Variants in IMPG1 observed in about 807,000 individuals in gnomAD.
IMPG1 encodes interphotoreceptor matrix proteoglycan of 150 kDa.
In IMPG1, 85 loss-of-function variants were observed where a neutral mutation model predicts 92.0. The observed-to-expected ratio is 0.92, with a 90% CI of 0.78 to 1.11. The LOEUF (loss-of-function observed/expected upper bound fraction) is 1.11. IMPG1 is among the 50% of genes least tolerant of loss of function. The probability of loss-of-function intolerance (pLI) is 0.00; values close to 1 mark genes in which losing one functional copy is unlikely to be tolerated. For missense variants in IMPG1, 1,022 were observed against 956.0 expected, an observed-to-expected ratio of 1.07 and a Z score of -0.91; for synonymous variants, 367 against 334.1, an observed-to-expected ratio of 1.10 and a Z score of -1.08.
intron 12 of IMPG1, among the ~76,000 whole-genome samples, chr6:75,959,324 C>T (rs1782177384): frequency 6.6e-6 from 1 of 152,130 alleles, no homozygotes; most frequent in African/African-American, 2.4e-5. Flanking sequence ...GGAGGTGTCT[C>T]CCAGTCAGGA....
At chr6:76,019,902 A>G (rs1034134660) in intron 6 of IMPG1, among the ~76,000 whole-genome samples, 3 of 152,220 alleles carry the variant, frequency 2.0e-5, no homozygotes, top group African/African-American at 7.2e-5. Flanking sequence ...GATGGGACAG[A>G]GGGGTTGTGA....
intron 12 of IMPG1, among the ~76,000 whole-genome samples, chr6:75,966,063 C>T (rs1782304578): frequency 6.6e-6 from 1 of 152,148 alleles, no homozygotes; most frequent in Non-Finnish European, 1.5e-5. Context: ...ACTCAGGAAA[C>T]TCACTATCAT....
intron 12 of IMPG1, among the ~76,000 whole-genome samples, chr6:75,993,026 G>T (rs1188827654): frequency 1.3e-5 from 2 of 148,298 alleles, no homozygotes; most frequent in Middle Eastern, 3.5e-3. Flanking sequence ...ATATGTGTAG[G>T]TCTTGAATAA....
intron 1 of IMPG1, among the ~76,000 whole-genome samples, chr6:76,050,338 G>T (rs1784020056): frequency 6.6e-6 from 1 of 152,132 alleles, no homozygotes; most frequent in Non-Finnish European, 1.5e-5. Flanking sequence ...AGCTACTTGG[G>T]AGGCTGAGGC....
intron 12 of IMPG1, among the ~76,000 whole-genome samples, chr6:75,994,571 G>A (rs1006557486): frequency 1.3e-5 from 2 of 152,214 alleles, no homozygotes; most frequent in East Asian, 1.9e-4. Flanking sequence ...AGCATGTCAC[G>A]TCTTACATGG....
At chr6:75,929,899 A>C (rs1781635850) in intron 15 of IMPG1, among the ~76,000 whole-genome samples, 1 of 152,124 alleles carries the variant, frequency 6.6e-6, no homozygotes, top group Non-Finnish European at 1.5e-5. Flanking sequence ...TTTGTTGAAA[A>C]AGACTATTCT....
chr6:76,012,998 T>A (rs148758992), intron 7 of IMPG1, among the ~76,000 whole-genome samples: 1 of 152,070 alleles, frequency 6.6e-6, no homozygotes, highest in South Asian at 2.1e-4. Context: ...GGTCTTTTGT[T>A]TTCACCATGT....
chr6:76,028,333 T>C (rs1395442791), intron 4 of IMPG1, among the ~76,000 whole-genome samples: 1 of 152,204 alleles, frequency 6.6e-6, no homozygotes, highest in South Asian at 2.1e-4. Context: ...CTGTTAACTT[T>C]GGAGATTGTA....
chr6:76,025,090 A>G (rs1028473630), intron 5 of IMPG1, 104 bp downstream of exon 5: 6 of 728,240 alleles, frequency 8.2e-6, no homozygotes, highest in Non-Finnish European at 1.5e-5. Context: ...TTGAGAAAGT[A>G]CATTATAAAC....
At chr6:76,068,510 CTTTTTTTTTTTTT>C (rs1160277573) in intron 1 of IMPG1, among the ~76,000 whole-genome samples, 1 of 110,194 alleles carries the variant, frequency 9.1e-6, no homozygotes, top group Admixed American at 1.0e-4. Flanking sequence ...AATGTCCATA[CTTTTTTTTTTTTT>C]TTTTTTTTGG....
intron 12 of IMPG1, among the ~76,000 whole-genome samples, chr6:75,992,216 G>GCCA (rs1782824333): frequency 6.6e-6 from 1 of 152,204 alleles, no homozygotes; most frequent in Admixed American, 6.5e-5. Flanking sequence ...TTTCCAGCCT[G>GCCA]CCACCTGCAG....
chr6:76,002,982 A>G lies in IMPG1; in HGVS notation c.1227T>C (p.Ser409=). The G allele has an allele frequency of 6.2e-7, 1 of 1,613,256 alleles. No individual in the cohort carries two copies. Among genetic ancestry groups the G allele is most frequent in the Non-Finnish European group, 8.5e-7 (1 of 1,179,354 alleles). The change falls in exon 12 of 17, where the codon AGT becomes AGC. Residue 409 remains serine, a synonymous_variant. Coordinates refer to ENST00000369950, the MANE Select transcript of IMPG1 (RefSeq NM_001563.4). The part of the protein sequence containing the change: ...FAVITEDATL[S]PELPPVEPQL... ...GGGGTTCAACAGGAGGAAGTTCTGG[A>G]CTCAAAGTAGCATCCTGAAGAATGA... is the stretch of plus-strand genomic sequence containing the variant.
chr6:76,039,149 T>C (rs1031390881), intron 2 of IMPG1, among the ~76,000 whole-genome samples: 1 of 152,186 alleles, frequency 6.6e-6, no homozygotes, highest in Non-Finnish European at 1.5e-5. Context: ...AACTTTAAAG[T>C]ACAAATGAAT....
intron 1 of IMPG1, among the ~76,000 whole-genome samples, chr6:76,063,839 A>G (rs890145506): frequency 1.3e-5 from 2 of 152,198 alleles, no homozygotes; most frequent in Non-Finnish European, 2.9e-5. Flanking sequence ...AAAAGAGTGC[A>G]GTGCACCAAG....
intron 12 of IMPG1, among the ~76,000 whole-genome samples, chr6:75,990,941 C>T (rs903531377): frequency 6.6e-6 from 1 of 152,204 alleles, no homozygotes; most frequent in East Asian, 1.9e-4. Context: ...GCAAGAACTA[C>T]TTCTCTGATT....
At chr6:75,935,160 G>A (rs575190675) in intron 14 of IMPG1, 1 of 392,978 alleles carries the variant, frequency 2.5e-6, no homozygotes, top group East Asian at 7.4e-5. Context: ...CACCCCAGCT[G>A]ATTTCTGACT....
intron 12 of IMPG1, among the ~76,000 whole-genome samples, chr6:75,968,776 C>T (rs187364534): frequency 6.6e-6 from 1 of 152,190 alleles, no homozygotes; most frequent in East Asian, 1.9e-4. Flanking sequence ...GTCACCCTCT[C>T]TTGCTCTTCT....
chr6:75,948,694 T>G (rs1427630675), intron 13 of IMPG1, among the ~76,000 whole-genome samples: 1 of 152,206 alleles, frequency 6.6e-6, no homozygotes, highest in Non-Finnish European at 1.5e-5. Flanking sequence ...ACTGTGCAGA[T>G]AGCTAGGTGC....
At position 76,042,040 on chromosome 6, in the gene IMPG1, A is replaced by T. The variant is rs748972618; in HGVS notation, c.154T>A (p.Tyr52Asn). The T allele has an allele frequency of 3.1e-6, 5 of 1,612,558 alleles. No homozygotes were observed. The highest frequency in any genetic ancestry group is 4.2e-6 in the Non-Finnish European group (5 of 1,178,614). ...ATTCGTCTCATAGTTGACATTTTGTACATTTTTTCAGTACTTTCAGTTGTT... is the reference window on the plus strand; with the variant it reads ...ATTCGTCTCATAGTTGACATTTTGTTCATTTTTTCAGTACTTTCAGTTGTT... ...NETTESTEKM[Y>N]KMSTMRRIFD... The change falls in exon 2 of 17, where the codon TAC becomes AAC. Residue 52 changes from tyrosine (Y) to asparagine (N), a missense_variant. By Grantham distance (143) the Tyr-to-Asn change is moderately radical. Around this residue, in one of 3 missense-constraint regions of IMPG1, gnomAD observed 681 missense variants for 583.6 expected, o/e 1.17. Transcript: ENST00000369950.
Sources: allele counts gnomAD v4.1 joint callset (sites outside exome capture counted in the v4.1 genomes callset), GRCh38; gene constraint gnomAD v4.1.1; regional missense constraint gnomAD v4.1.1; transcripts MANE v1.5; gene names NCBI Gene and HGNC (gene_info 2026-07-23, HGNC 2026-07-21).